CMIP: variants seen among roughly 807,000 people sequenced by gnomAD.
The protein encoded by CMIP is C-Maf-inducing protein.
In CMIP, 13 loss-of-function variants were observed where a neutral mutation model predicts 97.3. That is an observed-to-expected ratio of 0.13 (90% confidence interval 0.09 to 0.21). The LOEUF is 0.21. CMIP is among the 10% of genes least tolerant of loss of function. The pLI is 1.00. For missense variants in CMIP, 847 were observed against 1,024.9 expected (o/e 0.83, Z 2.37); for synonymous variants, 538 against 436.3 (o/e 1.23, Z -2.91).
intron 1 of CMIP, chr16:81,464,914 G>A (rs573249789): frequency 1.2e-4 from 19 of 152,268 alleles, no homozygotes; most frequent in African/African-American, 4.6e-4. Context: ...GCCAAATAAT[G>A]TTCCATTGAC....
At chr16:81,494,675 A>G (rs1360938696) in intron 1 of CMIP, among the ~76,000 whole-genome samples, 1 of 145,604 alleles carries the variant, frequency 6.9e-6, no homozygotes, top group Admixed American at 6.6e-5. Flanking sequence ...ACAGCAGGAC[A>G]TGGTAGCTGG....
chr16:81,708,056 G>A (rs375593218), intron 20 of CMIP, among the ~76,000 whole-genome samples: 2 of 152,244 alleles, frequency 1.3e-5, no homozygotes, highest in African/African-American at 4.8e-5. Context: ...TCAGGGACAG[G>A]GACACCGAGG....
intron 14 of CMIP, chr16:81,697,422 C>A (rs1236525858): frequency 6.6e-6 from 1 of 152,258 alleles, no homozygotes; most frequent in Non-Finnish European, 1.5e-5. Context: ...ACCCTAGTGG[C>A]CAGCAGCCTC....
intron 15 of CMIP, among the ~76,000 whole-genome samples, chr16:81,701,276 G>A (rs1363503722): frequency 6.6e-6 from 1 of 152,184 alleles, no homozygotes; most frequent in Non-Finnish European, 1.5e-5. Context: ...GTGAGTTTGA[G>A]CACCTACTTC....
At chr16:81,640,770 G>GTGTGTGTGTGTGTGTGTC (rs376370488) in intron 3 of CMIP, among the ~76,000 whole-genome samples, 2,542 of 135,548 alleles carry the variant, frequency 0.019, 41 homozygotes, top group Non-Finnish European at 0.023. Flanking sequence ...GTGTGTGTGT[G>GTGTGTGTGTGTGTGTGTC]TCTCTCTCTC....
Position 81,702,773 on chromosome 16 carries a change from A to C in CMIP, c.1944+104A>C. 3 of 1,004,904 alleles carry C rather than the reference A, an allele frequency of 3.0e-6. No individual in the cohort carries two copies. The South Asian group carries it at 4.1e-5, about 14-fold the overall frequency. The allele number at this position is 1,004,904 out of a possible 1,614,324, so 62.2% of individuals were successfully genotyped here. On this transcript the variant is annotated intron_variant, in intron 17 of 20. Transcript: ENST00000537098. ...CTGCTGCTGAGATGGGAGGTGATGG[A>C]GGGCGGGGCACAAGGACCCCCTAGT...
At chr16:81,584,008 G>C (rs1274346746) in intron 1 of CMIP, among the ~76,000 whole-genome samples, 5 of 152,186 alleles carry the variant, frequency 3.3e-5, no homozygotes, top group Middle Eastern at 3.2e-3. Flanking sequence ...AGAGGGCAAG[G>C]GAAGGTGTGG....
intron 1 of CMIP, among the ~76,000 whole-genome samples, chr16:81,549,294 T>C (rs1233780456): frequency 6.6e-6 from 1 of 152,196 alleles, no homozygotes; most frequent in African/African-American, 2.4e-5. Flanking sequence ...GTTGAGCTGG[T>C]AAATCATTCG....
At chr16:81,682,653 A>T (rs1233916347) in intron 10 of CMIP, among the ~76,000 whole-genome samples, 1 of 151,992 alleles carries the variant, frequency 6.6e-6, no homozygotes, top group African/African-American at 2.4e-5. Flanking sequence ...GCACGCTTAG[A>T]GCGAACCACA....
At chr16:81,477,352 G>C (rs1907989310) in intron 1 of CMIP, among the ~76,000 whole-genome samples, 1 of 152,110 alleles carries the variant, frequency 6.6e-6, no homozygotes, top group Non-Finnish European at 1.5e-5. Context: ...GTAGAGACAG[G>C]GTTTCACCAT....
At chr16:81,561,456 A>C (rs771685637) in intron 1 of CMIP, among the ~76,000 whole-genome samples, 2 of 152,182 alleles carry the variant, frequency 1.3e-5, no homozygotes, top group Non-Finnish European at 2.9e-5. Flanking sequence ...AGGTAGGCAC[A>C]GTATGTGCAG....
At chr16:81,617,839 G>A (rs1331099945) in intron 2 of CMIP, among the ~76,000 whole-genome samples, 2 of 152,234 alleles carry the variant, frequency 1.3e-5, no homozygotes, top group Non-Finnish European at 2.9e-5. Flanking sequence ...CAGGCCACAG[G>A]ATACAGTGGT....
At chr16:81,498,239 A>T (rs1597477584) in intron 1 of CMIP, among the ~76,000 whole-genome samples, 1 of 152,194 alleles carries the variant, frequency 6.6e-6, no homozygotes, top group African/African-American at 2.4e-5. Flanking sequence ...GAAATGATGG[A>T]TGTGGAGCCC....
chr16:81,707,816 C>T (rs1908316344), intron 20 of CMIP, among the ~76,000 whole-genome samples: 1 of 152,240 alleles, frequency 6.6e-6, no homozygotes, highest in Non-Finnish European at 1.5e-5. Context: ...GCGGGACTGG[C>T]AGAGGGCCAG....
rs751839554 is a variant in CMIP, at chr16:81,678,577, G to A, written c.1337G>A (p.Gly446Asp). ...PACSTMSIELGPQADRTLGCY... is the reference protein window; with the variant it reads ...PACSTMSIELDPQADRTLGCY... Reference sequence around the variant, plus strand: ...TGCAGCACCATGAGCATCGAGCTGGGCCCCCAGGCCGACCGCACGCTCGGC... The same window carrying A: ...TGCAGCACCATGAGCATCGAGCTGGACCCCCAGGCCGACCGCACGCTCGGC... Residue 446 changes from glycine (G) to aspartate (D), a missense_variant, in exon 10 of 21, where the codon GGC becomes GAC. Around this residue, in one of 4 missense-constraint regions of CMIP, gnomAD observed 202 missense variants for 168.7 expected, o/e 1.20. Coordinates refer to ENST00000537098, the MANE Select transcript of CMIP (RefSeq NM_198390.3). The A allele has an allele frequency of 6.2e-7, 1 of 1,606,024 alleles. No individual in the cohort carries two copies. Among genetic ancestry groups the A allele is most frequent in the Non-Finnish European group, 8.5e-7 (1 of 1,176,722 alleles).
chr16:81,583,475 A>G (rs1290187020), intron 1 of CMIP, among the ~76,000 whole-genome samples: 3 of 152,242 alleles, frequency 2.0e-5, no homozygotes, highest in African/African-American at 7.2e-5. Context: ...TTTGCTTTTT[A>G]AAAATAAGTC....
At chr16:81,580,479 G>T (rs896204776) in intron 1 of CMIP, among the ~76,000 whole-genome samples, 4 of 151,416 alleles carry the variant, frequency 2.6e-5, no homozygotes, top group African/African-American at 9.7e-5. Flanking sequence ...TGTCACCCAG[G>T]CTGGAGTGCA....
chr16:81,498,842 CAGTT>C (rs978734874), intron 1 of CMIP, among the ~76,000 whole-genome samples: 6 of 152,196 alleles, frequency 3.9e-5, no homozygotes, highest in African/African-American at 4.8e-5. Flanking sequence ...CACACAGTCC[CAGTT>C]AGTTTACACC....
intron 3 of CMIP, among the ~76,000 whole-genome samples, chr16:81,643,370 T>C (rs1009481938): frequency 1.3e-5 from 2 of 152,178 alleles, no homozygotes; most frequent in South Asian, 2.1e-4. Flanking sequence ...GCCCAGGGGC[T>C]GGGGGAGAGT....
Sources: allele counts gnomAD v4.1 joint callset (sites outside exome capture counted in the v4.1 genomes callset), GRCh38; gene constraint gnomAD v4.1.1; regional missense constraint gnomAD v4.1.1; transcripts MANE v1.5; gene names NCBI Gene and HGNC (gene_info 2026-07-23, HGNC 2026-07-21).